LRRK2: variants seen among roughly 807,000 people sequenced by gnomAD.
The protein encoded by LRRK2 is leucine rich repeat kinase 2.
In LRRK2, 203 loss-of-function variants were observed where a neutral mutation model predicts 302.6. The observed-to-expected ratio is 0.67, with a 90% CI of 0.60 to 0.75. The LOEUF is 0.75. Ranked by LOEUF, LRRK2 falls within the 30% of genes least tolerant of loss-of-function variation. LRRK2 has a pLI of 0.00. For missense variants in LRRK2, 2,830 were observed against 2,951.0 expected, an observed-to-expected ratio of 0.96 and a Z score of 0.95; for synonymous variants, 1,066 against 1,031.9, an observed-to-expected ratio of 1.03 and a Z score of -0.63.
intron 45 of LRRK2, among the ~76,000 whole-genome samples, chr12:40,354,862 A>ATG (rs960911636): frequency 1.3e-4 from 19 of 151,796 alleles, no homozygotes; most frequent in African/African-American, 4.6e-4. Context: ...ATATATATAT[A>ATG]TGAAACCCAT....
At chr12:40,273,953 C>A (rs140022653) in intron 14 of LRRK2, among the ~76,000 whole-genome samples, 1 of 152,184 alleles carries the variant, frequency 6.6e-6, no homozygotes, top group African/African-American at 2.4e-5. Flanking sequence ...TGGATGATGT[C>A]GTAATTAAGA....
rs1222320413 is a variant in LRRK2, at chr12:40,321,043, C to G, written c.5025C>G (p.Asp1675Glu). ...EYLLVPSSLS[D>E]HRPVIELPHC... ...GTCCTTTTGCCTTTAGTTTGTCTGA[C>G]CACAGGCCTGTGATAGAGCTTCCCC... Residue 1675 changes from aspartate to glutamate, a missense_variant, in exon 35 of 51, where the codon GAC becomes GAG. Around this residue, in one of 3 missense-constraint regions of LRRK2, gnomAD observed 2,121 missense variants for 2,148.0 expected, o/e 0.99. Transcript: ENST00000298910. 2 of 1,612,584 alleles carry G rather than the reference C, an allele frequency of 1.2e-6. No individual in the cohort carries two copies. Among genetic ancestry groups the G allele is most frequent in the South Asian group, 2.2e-5 (2 of 91,058 alleles).
At chr12:40,331,240 C>G (rs1945702997) in intron 39 of LRRK2, among the ~76,000 whole-genome samples, 1 of 152,128 alleles carries the variant, frequency 6.6e-6, no homozygotes, top group Non-Finnish European at 1.5e-5. Flanking sequence ...TCTTCACATT[C>G]ATGTAGGTTT....
chr12:40,333,895 T>C (rs1360849698), intron 39 of LRRK2, among the ~76,000 whole-genome samples: 1 of 151,958 alleles, frequency 6.6e-6, no homozygotes, highest in Admixed American at 6.6e-5. Context: ...ATTGAATGAA[T>C]GCCAATGTGG....
At chr12:40,281,472 G>A (rs1943694649) in intron 18 of LRRK2, among the ~76,000 whole-genome samples, 1 of 152,194 alleles carries the variant, frequency 6.6e-6, no homozygotes, top group Non-Finnish European at 1.5e-5. Flanking sequence ...TAGATGATCA[G>A]AGAAAGATTG....
chr12:40,344,394 A>G (rs2136967229), intron 41 of LRRK2, among the ~76,000 whole-genome samples: 1 of 152,324 alleles, frequency 6.6e-6, no homozygotes, highest in South Asian at 2.1e-4. Context: ...AGCCTCCAAA[A>G]TCTCTTCCAC....
At chr12:40,349,112 C>T (rs2136984545) in intron 43 of LRRK2, among the ~76,000 whole-genome samples, 1 of 152,112 alleles carries the variant, frequency 6.6e-6, no homozygotes, top group African/African-American at 2.4e-5. Flanking sequence ...ATCTGTATCC[C>T]ATTCCTTTTT....
intron 39 of LRRK2, 75 bp from the exon 40 acceptor site, chr12:40,334,892 A>C: frequency 6.7e-7 from 1 of 1,483,724 alleles, no homozygotes; most frequent in Non-Finnish European, 9.4e-7. Context: ...CAGCCTGTTG[A>C]TGCACTTTAA....
chr12:40,294,314 G>C (rs375282291), intron 21 of LRRK2, among the ~76,000 whole-genome samples: 1 of 151,900 alleles, frequency 6.6e-6, no homozygotes, highest in East Asian at 1.9e-4. Context: ...TGAGGAGTCT[G>C]ATAATTCTAG....
At chr12:40,283,389 C>T (rs1008998096) in intron 18 of LRRK2, among the ~76,000 whole-genome samples, 2 of 152,158 alleles carry the variant, frequency 1.3e-5, no homozygotes, top group Admixed American at 1.3e-4. Context: ...AAGCTAGACA[C>T]GAGTAATGAC....
chr12:40,291,517 A>G (rs1944159286), intron 20 of LRRK2, among the ~76,000 whole-genome samples: 1 of 151,580 alleles, frequency 6.6e-6, no homozygotes. Context: ...TATTTTCCAA[A>G]TATTTGGAGA....
intron 18 of LRRK2, among the ~76,000 whole-genome samples, chr12:40,279,186 TAATC>T (rs1265918950): frequency 2.5e-5 from 2 of 80,200 alleles, no homozygotes; most frequent in East Asian, 3.2e-4. Context: ...CATTATTAAA[TAATC>T]AATAAAGTAC....
At chr12:40,366,183 C>T (rs1484229740) in intron 49 of LRRK2, 1 of 151,886 alleles carries the variant, frequency 6.6e-6, no homozygotes. Context: ...TCTAGATGAA[C>T]ATCCAGTTCT....
At chr12:40,330,400 T>A (rs1356329784) in intron 39 of LRRK2, among the ~76,000 whole-genome samples, 1 of 152,164 alleles carries the variant, frequency 6.6e-6, no homozygotes, top group Middle Eastern at 3.2e-3. Context: ...GTCAGTCAGA[T>A]GTTTGCTCCT....
intron 43 of LRRK2, among the ~76,000 whole-genome samples, chr12:40,350,105 A>G (rs1263181335): frequency 6.6e-6 from 1 of 152,138 alleles, no homozygotes; most frequent in East Asian, 1.9e-4. Context: ...TTATATACCA[A>G]TGAAGGTGGA....
chr12:40,230,587 T>G (rs1488386319), intron 2 of LRRK2, among the ~76,000 whole-genome samples: 1 of 152,210 alleles, frequency 6.6e-6, no homozygotes, highest in East Asian at 1.9e-4. Flanking sequence ...CTTTCAGTAT[T>G]TCTATTATAT....
At position 40,298,510 on chromosome 12, in the gene LRRK2, T is replaced by C. The variant is rs1326018560; in HGVS notation, c.3347+17T>C. 1.2e-6 allele frequency: 2 copies of C among 1,613,448 alleles called. No individual in the cohort carries two copies. The highest frequency in any genetic ancestry group is 1.7e-6 in the Non-Finnish European group (2 of 1,179,816). On this transcript the variant is annotated intron_variant, in intron 24 of 50. Transcript: ENST00000298910. Reference sequence around the variant, plus strand: ...TTTAGAAGGGTAAGAAAGAGCTCATTAAAAATAAAAGGGTTGCCTAAATAT... The same window carrying C: ...TTTAGAAGGGTAAGAAAGAGCTCATCAAAAATAAAAGGGTTGCCTAAATAT...
intron 14 of LRRK2, among the ~76,000 whole-genome samples, chr12:40,272,765 G>A (rs1943284046): frequency 6.6e-6 from 1 of 152,156 alleles, no homozygotes; most frequent in South Asian, 2.1e-4. Context: ...CACCAATTAA[G>A]TTGTTATTGG....
At chr12:40,249,783 T>G (rs202239269) in intron 7 of LRRK2, 43 bp from the exon 8 acceptor site, 2 of 1,608,272 alleles carry the variant, frequency 1.2e-6, no homozygotes, top group Admixed American at 1.7e-5. Flanking sequence ...GTAATTTAAC[T>G]TCCATGGATG....
Sources: allele counts gnomAD v4.1 joint callset (sites outside exome capture counted in the v4.1 genomes callset), GRCh38; gene constraint gnomAD v4.1.1; regional missense constraint gnomAD v4.1.1; transcripts MANE v1.5; gene names NCBI Gene and HGNC (gene_info 2026-07-23, HGNC 2026-07-21).